CTNNA3: variants seen among roughly 807,000 people sequenced by gnomAD.
The protein encoded by CTNNA3 is catenin alpha 3.
Under a neutral mutation model 95.7 loss-of-function variants are expected in CTNNA3, and 76 were observed. The observed-to-expected ratio is 0.79, with a 90% CI of 0.66 to 0.96. The LOEUF is 0.96. Ranked by LOEUF, CTNNA3 falls within the 40% of genes least tolerant of loss-of-function variation. CTNNA3 has a pLI of 0.00. For missense variants in CTNNA3, 1,191 were observed against 1,089.8 expected (o/e 1.09, Z -1.31); for synonymous variants, 431 against 374.4 (o/e 1.15, Z -1.74).
chr10:66,427,961 T>C (rs970360688), intron 11 of CTNNA3, among the ~76,000 whole-genome samples: 6 of 151,946 alleles, frequency 3.9e-5, no homozygotes, highest in Admixed American at 6.6e-5. Context: ...GACTGGCAAA[T>C]TGGATAAAGA....
At chr10:67,630,141 G>A (rs1286955705) in intron 2 of CTNNA3, among the ~76,000 whole-genome samples, 1 of 152,134 alleles carries the variant, frequency 6.6e-6, no homozygotes, top group Non-Finnish European at 1.5e-5. Context: ...AGTGTCTTGA[G>A]AGCATTATGG....
chr10:66,545,971 T>C (rs1272617472), intron 10 of CTNNA3, among the ~76,000 whole-genome samples: 1 of 150,310 alleles, frequency 6.7e-6, no homozygotes, highest in East Asian at 1.9e-4. Context: ...TTAAATATAA[T>C]ATATTTATCT....
intron 2 of CTNNA3, among the ~76,000 whole-genome samples, chr10:67,625,405 T>C (rs910105113): frequency 6.6e-6 from 1 of 152,156 alleles, no homozygotes; most frequent in African/African-American, 2.4e-5. Context: ...TTTCTGAAAG[T>C]GAATTTTGAG....
intron 7 of CTNNA3, among the ~76,000 whole-genome samples, chr10:67,046,166 T>C (rs1854731470): frequency 6.6e-6 from 1 of 152,216 alleles, no homozygotes; most frequent in African/African-American, 2.4e-5. Context: ...ATCCATTTCA[T>C]ATTAGAATGT....
chr10:66,645,827 C>G (rs1201433202), intron 9 of CTNNA3, among the ~76,000 whole-genome samples: 2 of 152,178 alleles, frequency 1.3e-5, no homozygotes, highest in African/African-American at 4.8e-5. Flanking sequence ...CCTCCACTCA[C>G]TATCCGTGGA....
At chr10:66,069,125 G>A (rs528707089) in intron 15 of CTNNA3, among the ~76,000 whole-genome samples, 183 bp downstream of exon 15, 10 of 152,236 alleles carry the variant, frequency 6.6e-5, no homozygotes, top group African/African-American at 2.4e-4. Flanking sequence ...TGAGAAACTT[G>A]CCATATTTAT....
intron 13 of CTNNA3, among the ~76,000 whole-genome samples, chr10:66,211,161 A>C (rs1297412315): frequency 6.6e-6 from 1 of 152,204 alleles, no homozygotes; most frequent in Non-Finnish European, 1.5e-5. Flanking sequence ...CACCATCAAC[A>C]CAGGAAAAGA....
chr10:67,331,270 T>C (rs1336634789), intron 5 of CTNNA3, among the ~76,000 whole-genome samples: 1 of 152,168 alleles, frequency 6.6e-6, no homozygotes, highest in African/African-American at 2.4e-5. Flanking sequence ...AAAATGATTA[T>C]CTTACTTCAA....
At chr10:67,414,879 A>G (rs924912231) in intron 5 of CTNNA3, among the ~76,000 whole-genome samples, 1 of 152,238 alleles carries the variant, frequency 6.6e-6, no homozygotes, top group Non-Finnish European at 1.5e-5. Flanking sequence ...ATCAACAAAC[A>G]TGATTCACCA....
At chr10:66,219,402 G>A (rs2088776657) in intron 13 of CTNNA3, among the ~76,000 whole-genome samples, 1 of 152,152 alleles carries the variant, frequency 6.6e-6, no homozygotes, top group Non-Finnish European at 1.5e-5. Context: ...ATTAGGATCA[G>A]TCTATGTGAC....
At chr10:66,353,439 A>G (rs1384321052) in intron 12 of CTNNA3, among the ~76,000 whole-genome samples, 2 of 152,144 alleles carry the variant, frequency 1.3e-5, no homozygotes, top group African/African-American at 4.8e-5. Flanking sequence ...TGAGGCAGAC[A>G]TCTGTTGGTA....
intron 10 of CTNNA3, among the ~76,000 whole-genome samples, chr10:66,531,388 G>A (rs936572764): frequency 1.1e-4 from 4 of 36,970 alleles, no homozygotes; most frequent in Non-Finnish European, 1.8e-4. Context: ...TGGTTTGTTC[G>A]TTTGTTTGTT....
intron 3 of CTNNA3, among the ~76,000 whole-genome samples, chr10:67,587,193 TTG>T (rs57140243): frequency 0.18 from 23,136 of 129,918 alleles, 2,401 homozygotes; most frequent in African/African-American, 0.32. Context: ...CCCAGCTAAC[TTG>T]TGTGTGTGTG....
intron 11 of CTNNA3, among the ~76,000 whole-genome samples, chr10:66,404,324 C>T (rs1366177307): frequency 1.3e-5 from 2 of 152,158 alleles, no homozygotes; most frequent in Admixed American, 1.3e-4. Flanking sequence ...CCCAGGTTCT[C>T]TTACATGGGC....
intron 7 of CTNNA3, among the ~76,000 whole-genome samples, chr10:66,783,080 A>G (rs1840604311): frequency 6.6e-6 from 1 of 152,136 alleles, no homozygotes; most frequent in African/African-American, 2.4e-5. Context: ...GTTGGTATCT[A>G]GTCTAGTAAA....
At chr10:66,515,633 T>C (rs1840823022) in intron 11 of CTNNA3, among the ~76,000 whole-genome samples, 1 of 152,108 alleles carries the variant, frequency 6.6e-6, no homozygotes, top group Non-Finnish European at 1.5e-5. Flanking sequence ...TGACTCACAG[T>C]TCCACATGGC....
intron 13 of CTNNA3, among the ~76,000 whole-genome samples, chr10:66,107,588 G>A (rs1234322905): frequency 3.3e-5 from 5 of 152,078 alleles, no homozygotes; most frequent in Non-Finnish European, 7.4e-5. Flanking sequence ...TGACATAGTA[G>A]TAATACATTA....
At chr10:66,578,784 CT>C (rs71035156) in intron 10 of CTNNA3, among the ~76,000 whole-genome samples, 138 of 143,216 alleles carry the variant, frequency 9.6e-4, no homozygotes, top group African/African-American at 2.0e-3. Context: ...ATTTTTCTTT[CT>C]TTTTTTTTTT....
intron 10 of CTNNA3, among the ~76,000 whole-genome samples, chr10:66,606,272 A>G (rs1385548333): frequency 6.6e-6 from 1 of 152,170 alleles, no homozygotes; most frequent in Non-Finnish European, 1.5e-5. Context: ...GATTCACAAA[A>G]GAAAGTTCTC....
Sources: allele counts gnomAD v4.1 joint callset (sites outside exome capture counted in the v4.1 genomes callset), GRCh38; gene constraint gnomAD v4.1.1; transcripts MANE v1.5; gene names NCBI Gene and HGNC (gene_info 2026-07-23, HGNC 2026-07-21).